GABRA2: variants seen among roughly 807,000 people sequenced by gnomAD.
The protein encoded by GABRA2 is gamma-aminobutyric acid receptor subunit alpha-2.
Under a neutral mutation model 48.7 loss-of-function variants are expected in GABRA2, and 16 were observed. The observed-to-expected ratio is 0.33, with a 90% CI of 0.22 to 0.50. The LOEUF is 0.50. GABRA2 is among the 20% of genes least tolerant of loss of function. GABRA2 has a pLI of 0.98. For missense variants in GABRA2, 275 were observed against 535.6 expected, an observed-to-expected ratio of 0.51 and a Z score of 4.80; for synonymous variants, 185 against 184.5, an observed-to-expected ratio of 1.00 and a Z score of -0.02.
At chr4:46,383,040 G>T (rs978173993) in intron 3 of GABRA2, among the ~76,000 whole-genome samples, 3 of 152,062 alleles carry the variant, frequency 2.0e-5, no homozygotes, top group African/African-American at 7.2e-5. Flanking sequence ...CGACATGTGT[G>T]CATTCAGACT....
chr4:46,308,513 C>G (rs1464102374), intron 6 of GABRA2, among the ~76,000 whole-genome samples: 1 of 152,154 alleles, frequency 6.6e-6, no homozygotes, highest in African/African-American at 2.4e-5. Context: ...TTACTCCACA[C>G]TGGTGTCCAT....
At chr4:46,359,820 G>A (rs1302867995) in intron 3 of GABRA2, among the ~76,000 whole-genome samples, 2 of 152,010 alleles carry the variant, frequency 1.3e-5, no homozygotes, top group Non-Finnish European at 1.5e-5. Flanking sequence ...AGGAGGCTGA[G>A]GCAGGAGAAT....
At chr4:46,330,146 C>T (rs1237974279) in intron 4 of GABRA2, among the ~76,000 whole-genome samples, 2 of 152,034 alleles carry the variant, frequency 1.3e-5, no homozygotes, top group Admixed American at 1.3e-4. Context: ...CCACTCAATG[C>T]AACCTATATT....
In GABRA2 at chr4:46,381,074, T is replaced by C. The variant is rs138672569; in HGVS notation, c.187+5000A>G. Among the ~76,000 whole-genome samples the C allele has an allele frequency of 2.7e-3, 408 of 152,296 alleles. 4 individuals are homozygous for C. Among genetic ancestry groups the C allele is most frequent in the African/African-American group, 9.6e-3 (397 of 41,562 alleles). ...ACCTCCTCGAAACAGCTTTTCAAAATGCAGTTAAGCATGGTGCTCAATCTA... is the reference window on the plus strand; with the variant it reads ...ACCTCCTCGAAACAGCTTTTCAAAACGCAGTTAAGCATGGTGCTCAATCTA... On this transcript the variant is annotated intron_variant, in intron 3 of 9. Transcript: ENST00000381620.
At chr4:46,276,558 AAAC>A (rs1412176906) in intron 8 of GABRA2, among the ~76,000 whole-genome samples, 1 of 151,868 alleles carries the variant, frequency 6.6e-6, no homozygotes, top group Non-Finnish European at 1.5e-5. Flanking sequence ...TCTCAAACAG[AAAC>A]ATAAAGAAGT....
chr4:46,265,022 TAGAGAGAGAGAG>T (rs143456622), intron 8 of GABRA2, among the ~76,000 whole-genome samples: 1 of 135,522 alleles, frequency 7.4e-6, no homozygotes, highest in African/African-American at 2.7e-5. Flanking sequence ...GAGAGAGAGA[TAGAGAGAGAGAG>T]AGAGAGAGAG....
At chr4:46,274,409 C>A (rs2109423415) in intron 8 of GABRA2, among the ~76,000 whole-genome samples, 1 of 152,094 alleles carries the variant, frequency 6.6e-6, no homozygotes. Flanking sequence ...ATTAATCTAA[C>A]CCTTGCATTT....
intron 3 of GABRA2, among the ~76,000 whole-genome samples, chr4:46,375,575 T>A (rs1364985963): frequency 1.3e-5 from 2 of 152,172 alleles, no homozygotes; most frequent in Non-Finnish European, 2.9e-5. Context: ...GCTACAGACA[T>A]AGAAAAATGT....
At chr4:46,298,838 T>C (rs1335328791) in intron 8 of GABRA2, among the ~76,000 whole-genome samples, 2 of 151,872 alleles carry the variant, frequency 1.3e-5, no homozygotes, top group African/African-American at 4.8e-5. Flanking sequence ...GTGACTCACA[T>C]TGAAAACTGT....
chr4:46,333,228 C>T (rs1044569148), intron 3 of GABRA2, among the ~76,000 whole-genome samples: 2 of 151,902 alleles, frequency 1.3e-5, no homozygotes, highest in African/African-American at 4.8e-5. Flanking sequence ...TAAAAAATAA[C>T]AGATTACTTT....
chr4:46,279,988 T>C (rs1327976507), intron 8 of GABRA2, among the ~76,000 whole-genome samples: 1 of 152,044 alleles, frequency 6.6e-6, no homozygotes, highest in Non-Finnish European at 1.5e-5. Flanking sequence ...ATCTATTCTA[T>C]TAACAAATAT....
intron 3 of GABRA2, among the ~76,000 whole-genome samples, chr4:46,336,108 A>G (rs1732189030): frequency 6.6e-6 from 1 of 152,156 alleles, no homozygotes; most frequent in Admixed American, 6.6e-5. Flanking sequence ...TCTGTTCACT[A>G]TTATGTCATG....
rs1039286198 is a variant in GABRA2, at chr4:46,284,729, G to T, written c.856+18731C>A. ...CTATTATTCTATTCACAGCATGAACGCCATAAAGACCTCAGAGGTTGAAAA... is the reference window on the plus strand; with the variant it reads ...CTATTATTCTATTCACAGCATGAACTCCATAAAGACCTCAGAGGTTGAAAA... On this transcript the variant is annotated intron_variant, in intron 8 of 9. Transcript: ENST00000381620. 2.1e-4 allele frequency among the ~76,000 whole-genome samples: 32 copies of T among 152,008 alleles called. No individual in the cohort carries two copies. In the Middle Eastern group the frequency reaches 0.014, roughly 65 times the overall value.
chr4:46,271,643 T>C (rs1489890543), intron 8 of GABRA2, among the ~76,000 whole-genome samples: 2 of 151,954 alleles, frequency 1.3e-5, no homozygotes, highest in South Asian at 2.1e-4. Context: ...ATCTTTAATA[T>C]TGGTGAGAAT....
rs1725388218 is a variant in GABRA2 at position 46,299,674 on chromosome 4, T to C, written c.856+3786A>G. ...TACATGTTGGAGAATTGGGTTTCTT[T>C]CTTTTTTTTTTTTTTTTGTCTACCC... is the stretch of plus-strand genomic sequence containing the variant. On this transcript the variant is annotated intron_variant, in intron 8 of 9. Transcript: ENST00000381620. Among the ~76,000 whole-genome samples the C allele has an allele frequency of 4.5e-5, 5 of 110,122 alleles. No homozygotes were observed. In the South Asian group the frequency reaches 1.1e-3, roughly 25 times the overall value. The allele number at this position is 110,122 out of a possible 152,430, so 72.2% of individuals were successfully genotyped here. A position where few individuals can be genotyped will look rare whatever the true frequency, so the allele number is the denominator to read the frequency against.
At chr4:46,330,474 C>A (rs573507984) in intron 4 of GABRA2, among the ~76,000 whole-genome samples, 98 of 151,174 alleles carry the variant, frequency 6.5e-4, no homozygotes, top group Non-Finnish European at 1.3e-3. Flanking sequence ...TTTTGGCAAA[C>A]AAGTATGATG....
At chr4:46,360,508 C>G (rs1403886211) in intron 3 of GABRA2, among the ~76,000 whole-genome samples, 1 of 152,222 alleles carries the variant, frequency 6.6e-6, no homozygotes, top group African/African-American at 2.4e-5. Context: ...GAGGCTTTCC[C>G]AGCCATGGGG....
intron 3 of GABRA2, among the ~76,000 whole-genome samples, chr4:46,353,341 T>G (rs1248229183): frequency 6.6e-6 from 1 of 152,076 alleles, no homozygotes; most frequent in East Asian, 1.9e-4. Context: ...CAGTGCCCTC[T>G]TGACCAGTCT....
rs1415284173 is a variant in GABRA2, at chr4:46,249,179, T to G, written c.*1129A>C. ...TATACAAAGCTGTTGTAAATTTGAG[T>G]CAGCGAAATTTAAAGTTGCAATTTA... On this transcript the variant is annotated 3_prime_UTR_variant, in exon 10 of 10. Transcript: ENST00000381620. The G allele has an allele frequency of 6.6e-6, 1 of 151,264 alleles. No homozygotes were observed. Among genetic ancestry groups the G allele is most frequent in the African/African-American group, 2.4e-5 (1 of 41,298 alleles). The allele number at this position is 151,264 out of a possible 1,614,324, so 9.4% of individuals were successfully genotyped here.
Sources: allele counts gnomAD v4.1 joint callset (sites outside exome capture counted in the v4.1 genomes callset), GRCh38; gene constraint gnomAD v4.1.1; transcripts MANE v1.5; gene names NCBI Gene and HGNC (gene_info 2026-07-23, HGNC 2026-07-21).